TEX11: variants seen among roughly 807,000 people sequenced by gnomAD.
The protein encoded by TEX11 is testis expressed 11.
A neutral mutation model predicts 84.4 loss-of-function variants in TEX11; 7 were observed. The ratio of observed to expected loss-of-function variants is 0.08; its 90% CI spans 0.05 to 0.16. TEX11 has a LOEUF of 0.16. Among genes scored for constraint, TEX11 ranks in the 10% least tolerant of loss-of-function variants. The probability of loss-of-function intolerance (pLI) is 1.00; values close to 1 mark genes in which losing one functional copy is unlikely to be tolerated. For missense variants in TEX11, 551 were observed against 660.5 expected, an observed-to-expected ratio of 0.83 and a Z score of 1.82; for synonymous variants, 264 against 222.8, an observed-to-expected ratio of 1.18 and a Z score of -1.64.
intron 14 of TEX11, among the ~76,000 whole-genome samples, chrX:70,679,929 G>A (rs1374459302): frequency 3.1e-5 from 3 of 98,144 alleles, no homozygotes; most frequent in Admixed American, 1.0e-4. Context: ...CCCTCTGCCC[G>A]GCCAGCCGCC....
chrX:70,667,934 A>T (rs746605491), intron 16 of TEX11, among the ~76,000 whole-genome samples: 40 of 110,963 alleles, frequency 3.6e-4, no homozygotes, highest in Middle Eastern at 4.6e-3. Context: ...TCTCAAAAAA[A>T]AAAAATAAAA....
chrX:70,707,659 A>T (rs1170290347), intron 13 of TEX11, among the ~76,000 whole-genome samples: 1 of 111,574 alleles, frequency 9.0e-6, no homozygotes, highest in Non-Finnish European at 1.9e-5. Context: ...AATTTATTAT[A>T]GTAGGCTATA....
At chrX:70,830,607 T>C (rs2091372039) in intron 8 of TEX11, among the ~76,000 whole-genome samples, 1 of 111,671 alleles carries the variant, frequency 9.0e-6, no homozygotes, top group South Asian at 3.7e-4. Context: ...ACTCAAACAC[T>C]GCAATAGCAA....
At chrX:70,721,614 T>C (rs2090559865) in intron 13 of TEX11, among the ~76,000 whole-genome samples, 1 of 111,818 alleles carries the variant, frequency 8.9e-6, no homozygotes, top group Non-Finnish European at 1.9e-5. Context: ...GTTTTGCTGT[T>C]TGTCAAATTA....
chrX:70,605,326 G>T (rs1361183349), intron 24 of TEX11, 75 bp downstream of exon 24: 9 of 649,326 alleles, frequency 1.4e-5, no homozygotes, highest in Admixed American at 1.2e-4. Context: ...GAATCAAAAA[G>T]AACTGCATCA....
intron 14 of TEX11, among the ~76,000 whole-genome samples, chrX:70,681,740 C>T (rs2090149370): frequency 9.1e-6 from 1 of 110,235 alleles, no homozygotes; most frequent in Admixed American, 9.7e-5. Flanking sequence ...CAAAGTGCTA[C>T]CATCAAAATG....
chrX:70,610,873 G>C (rs755475891), intron 20 of TEX11, among the ~76,000 whole-genome samples: 1 of 111,541 alleles, frequency 9.0e-6, no homozygotes, highest in Non-Finnish European at 1.9e-5. Context: ...TTTTGAAGGG[G>C]GGAACTAGAA....
intron 28 of TEX11, among the ~76,000 whole-genome samples, chrX:70,542,978 A>G (rs1216807139): frequency 3.6e-5 from 4 of 111,667 alleles, no homozygotes; most frequent in Admixed American, 9.5e-5. Context: ...TCAGGAGATC[A>G]AGACCATCCT....
downstream of TEX11, among the ~76,000 whole-genome samples, chrX:70,526,216 G>A (rs1367310884): frequency 8.9e-6 from 1 of 111,816 alleles, no homozygotes; most frequent in Non-Finnish European, 1.9e-5. Context: ...TGTTGAAAGA[G>A]TTACAAATAG....
At chrX:70,833,490 T>G in intron 8 of TEX11, 23 bp downstream of exon 8, 1 of 1,168,945 alleles carries the variant, frequency 8.6e-7, no homozygotes, top group Non-Finnish European at 1.2e-6. Flanking sequence ...TTCAAACTCT[T>G]GGAGAATGCA....
chrX:70,615,750 C>A (rs760408770), intron 20 of TEX11, among the ~76,000 whole-genome samples: 1 of 111,807 alleles, frequency 8.9e-6, no homozygotes, highest in South Asian at 3.7e-4. Flanking sequence ...ATCAAACTCT[C>A]AAAGGTTCAG....
intron 9 of TEX11, among the ~76,000 whole-genome samples, chrX:70,752,048 C>T (rs1360740133): frequency 8.9e-6 from 1 of 111,946 alleles, no homozygotes; most frequent in African/African-American, 3.2e-5. Flanking sequence ...CAGGAAATTA[C>T]ACCAGATGGT....
At chrX:70,516,130 A>G in the TEX11 span, among the ~76,000 whole-genome samples, 1 of 111,717 alleles carries the variant, frequency 9.0e-6, no homozygotes, top group Non-Finnish European at 1.9e-5. Context: ...GTTTAATTAG[A>G]TCCCATTTGT....
intron 17 of TEX11, among the ~76,000 whole-genome samples, chrX:70,646,778 T>C (rs1490207183): frequency 1.8e-5 from 2 of 111,881 alleles, no homozygotes; most frequent in African/African-American, 3.2e-5. Context: ...ATATTGTAGG[T>C]GGGAATGTAA....
chrX:70,810,914 A>C (rs896744137), intron 8 of TEX11, among the ~76,000 whole-genome samples: 1 of 112,038 alleles, frequency 8.9e-6, no homozygotes, highest in Non-Finnish European at 1.9e-5. Context: ...GCCTCAAAAC[A>C]TGGACAAATC....
At chrX:70,529,260 G>A (rs1448831348) in intron 29 of TEX11, 73 bp from the exon 30 acceptor site, 1 of 787,620 alleles carries the variant, frequency 1.3e-6, no homozygotes, top group East Asian at 3.2e-5. Context: ...GACCCACGGT[G>A]ATGGCATGAA....
chrX:70,590,488 A>G (rs1457810005), intron 25 of TEX11, among the ~76,000 whole-genome samples: 1 of 111,631 alleles, frequency 9.0e-6, no homozygotes, highest in Non-Finnish European at 1.9e-5. Flanking sequence ...CTATTATTAT[A>G]ACTCAATATA....
At chrX:70,834,737 C>G (rs1467105597) in intron 7 of TEX11, among the ~76,000 whole-genome samples, 3 of 105,710 alleles carry the variant, frequency 2.8e-5, no homozygotes, top group Non-Finnish European at 5.8e-5. Context: ...GCACTCCAGC[C>G]TGGGAGACAG....
At chrX:70,787,126 C>G (rs1165763998) in intron 9 of TEX11, among the ~76,000 whole-genome samples, 4 of 111,666 alleles carry the variant, frequency 3.6e-5, no homozygotes, top group Admixed American at 9.5e-5. Context: ...AAAAGCAAAA[C>G]TCCATCCCAA....
Sources: allele counts gnomAD v4.1 joint callset (sites outside exome capture counted in the v4.1 genomes callset), GRCh38; gene constraint gnomAD v4.1.1; transcripts MANE v1.5; gene names NCBI Gene and HGNC (gene_info 2026-07-23, HGNC 2026-07-21).